The following ANO6 variants were observed in gnomAD, a reference collection of about 807,000 sequenced individuals.
ANO6 encodes anoctamin-6.
A neutral mutation model predicts 117.5 loss-of-function variants in ANO6; 106 were observed. That is an observed-to-expected ratio of 0.90 (90% CI 0.77 to 1.06). The LOEUF is 1.06. Among genes scored for constraint, ANO6 ranks in the 50% least tolerant of loss-of-function variants. The probability of loss-of-function intolerance (pLI) is 0.00; values close to 1 mark genes in which losing one functional copy is unlikely to be tolerated. For synonymous variants in ANO6, 367 were observed against 385.1 expected (o/e 0.95, Z 0.55); for missense variants, 955 against 1,121.1 (o/e 0.85, Z 2.12).
intron 1 of ANO6, among the ~76,000 whole-genome samples, chr12:45,219,503 AT>A (rs59216107): frequency 0.024 from 2,829 of 119,648 alleles, 71 homozygotes; most frequent in East Asian, 0.076. Context: ...TGCCTGGCCA[AT>A]TTTTTTTTTT....
chr12:45,270,446 C>T (rs1345395373), intron 1 of ANO6: 1 of 1,522,914 alleles, frequency 6.6e-7, no homozygotes, highest in South Asian at 1.2e-5. Flanking sequence ...TTTATTGATG[C>T]CTCCTCATCC....
chr12:45,308,037 G>T (rs1246401057), intron 2 of ANO6, among the ~76,000 whole-genome samples: 1 of 119,340 alleles, frequency 8.4e-6, no homozygotes, highest in Non-Finnish European at 1.7e-5. Flanking sequence ...GTGTCTGTGT[G>T]TGTGTGTGTA....
chr12:45,307,158 T>A (rs928642694), intron 2 of ANO6, among the ~76,000 whole-genome samples: 1 of 152,134 alleles, frequency 6.6e-6, no homozygotes, highest in Non-Finnish European at 1.5e-5. Context: ...GAGGGTAAAC[T>A]GGCAGATTTT....
At chr12:45,359,969 G>A (rs538344311) in intron 8 of ANO6, among the ~76,000 whole-genome samples, 7 of 152,354 alleles carry the variant, frequency 4.6e-5, no homozygotes, top group African/African-American at 1.4e-4. Context: ...TAGTTGGTAT[G>A]AAGTGGTATG....
In ANO6 at chr12:45,429,903, T is replaced by A; in HGVS notation, c.*592T>A. ...TTTCAGTCTTCATTTGAGCATGTCT[T>A]TCCATCTCAAAAAAATACTCTTAGT... is the stretch of plus-strand genomic sequence containing the variant. On this transcript the variant is annotated 3_prime_UTR_variant, in exon 20 of 20. Transcript: ENST00000320560. 1.0e-6 allele frequency: 1 copy of A among 988,914 alleles called. No homozygotes were observed. The highest frequency in any genetic ancestry group is 1.2e-6 in the Non-Finnish European group (1 of 832,088). The allele number at this position is 988,914 out of a possible 1,614,324, so 61.3% of individuals were successfully genotyped here.
chr12:45,322,293 A>ATAGGTGTTAAGGAG (rs1940305357), intron 2 of ANO6, among the ~76,000 whole-genome samples: 1 of 151,098 alleles, frequency 6.6e-6, no homozygotes, highest in Non-Finnish European at 1.5e-5. Context: ...TAAGATTTGG[A>ATAGGTGTTAAGGAG]TAGGTGGTTA....
intron 3 of ANO6, among the ~76,000 whole-genome samples, chr12:45,335,810 A>G (rs1444047815): frequency 6.6e-6 from 1 of 152,040 alleles, no homozygotes; most frequent in Non-Finnish European, 1.5e-5. Context: ...TTTTAAATGC[A>G]GTTATGATTT....
chr12:45,352,331 C>G (rs1941299492), intron 7 of ANO6, among the ~76,000 whole-genome samples: 2 of 152,036 alleles, frequency 1.3e-5, no homozygotes, highest in South Asian at 4.1e-4. Context: ...TTTCCCTCCC[C>G]ACTCCACTGG....
chr12:45,324,372 A>T (rs968922570), intron 2 of ANO6, among the ~76,000 whole-genome samples: 1 of 152,204 alleles, frequency 6.6e-6, no homozygotes, highest in African/African-American at 2.4e-5. Flanking sequence ...TAATATCTAT[A>T]TAAAACATGA....
At chr12:45,414,952 C>G (rs1165659291) in intron 16 of ANO6, among the ~76,000 whole-genome samples, 1 of 152,058 alleles carries the variant, frequency 6.6e-6, no homozygotes, top group African/African-American at 2.4e-5. Context: ...TTTGTAGAGA[C>G]AGGGTATGTT....
chr12:45,397,734 G>A (rs1184140479), intron 12 of ANO6, among the ~76,000 whole-genome samples: 1 of 152,140 alleles, frequency 6.6e-6, no homozygotes, highest in Non-Finnish European at 1.5e-5. Flanking sequence ...CTATCACAAG[G>A]CCAGAAAACC....
In ANO6 at chr12:45,216,291, G is replaced by T; in HGVS notation, c.-31G>T. Reference sequence around the variant, plus strand: ...GGAACCCGGGAGCCCCCAACTTCGCGCCAAGTTCGGAGCCGCCTTCTGAGG... The same window carrying T: ...GGAACCCGGGAGCCCCCAACTTCGCTCCAAGTTCGGAGCCGCCTTCTGAGG... On this transcript the variant is annotated 5_prime_UTR_variant, in exon 1 of 20. Transcript: ENST00000320560. 2 of 1,589,538 alleles carry T rather than the reference G, an allele frequency of 1.3e-6. No individual in the cohort carries two copies. The highest frequency in any genetic ancestry group is 1.7e-6 in the Non-Finnish European group (2 of 1,168,368).
chr12:45,439,647 CTTT>C (rs34144696), intron 19 of ANO6: 15,683 of 1,093,832 alleles, frequency 0.014, no homozygotes, highest in East Asian at 0.02. Context: ...GATTTAATTG[CTTT>C]TTTTTTTTTT....
At chr12:45,407,353 C>T (rs1484417107) in intron 15 of ANO6, among the ~76,000 whole-genome samples, 1 of 152,066 alleles carries the variant, frequency 6.6e-6, no homozygotes. Flanking sequence ...AAGGATTCAG[C>T]AAGAGGCGGA....
chr12:45,322,680 C>T (rs1031775830), intron 2 of ANO6, among the ~76,000 whole-genome samples: 3 of 152,014 alleles, frequency 2.0e-5, no homozygotes, highest in African/African-American at 4.8e-5. Context: ...CAGACTAGAA[C>T]GATGGCAATA....
chr12:45,314,434 C>A (rs571533411), intron 2 of ANO6, among the ~76,000 whole-genome samples: 8 of 77,780 alleles, frequency 1.0e-4, no homozygotes, highest in African/African-American at 3.1e-4. Context: ...CATAATGAGA[C>A]CTTATCTCTA....
At chr12:45,384,438 C>T (rs536160862) in intron 10 of ANO6, among the ~76,000 whole-genome samples, 5 of 152,288 alleles carry the variant, frequency 3.3e-5, no homozygotes, top group Admixed American at 6.5e-5. Flanking sequence ...GATATGCCTT[C>T]CTCACTAAAC....
chr12:45,286,829 T>C (rs1470308360), intron 1 of ANO6, among the ~76,000 whole-genome samples: 1 of 152,230 alleles, frequency 6.6e-6, no homozygotes, highest in Non-Finnish European at 1.5e-5. Flanking sequence ...GGGTAAATAC[T>C]AGTCCCATTT....
At chr12:45,266,852 G>A (rs1486197518) in intron 1 of ANO6, among the ~76,000 whole-genome samples, 3 of 145,940 alleles carry the variant, frequency 2.1e-5, no homozygotes, top group Non-Finnish European at 4.5e-5. Context: ...GTATAATATG[G>A]CTCTAGTTCT....
Sources: gnomAD v4.1 joint callset for allele counts (sites outside exome capture counted in the v4.1 genomes callset) on GRCh38, gnomAD v4.1.1 for gene constraint, MANE v1.5 for transcripts, NCBI Gene and HGNC (gene_info 2026-07-23, HGNC 2026-07-21) for gene names.